Variants in URB1 observed in about 807,000 individuals in gnomAD.
The protein encoded by URB1 is nucleolar pre-ribosomal-associated protein 1.
A neutral mutation model predicts 242.3 loss-of-function variants in URB1; 197 were observed. That is an observed-to-expected ratio of 0.81 (90% confidence interval 0.72 to 0.91). URB1 has a LOEUF of 0.91. Ranked by LOEUF, URB1 falls within the 40% of genes least tolerant of loss-of-function variation. The pLI, the probability that URB1 is intolerant of heterozygous loss-of-function variation, is 0.00. For synonymous variants in URB1, 1,153 were observed against 1,201.8 expected, an observed-to-expected ratio of 0.96 and a Z score of 0.84; for missense variants, 2,721 against 2,860.5, an observed-to-expected ratio of 0.95 and a Z score of 1.11.
At chr21:32,361,252 T>C in intron 12 of URB1, 129 bp from the exon 13 acceptor site, 1 of 681,442 alleles carries the variant, frequency 1.5e-6, no homozygotes, top group South Asian at 2.0e-5. Context: ...CTTGAGCAGC[T>C]GAACCAAGTG....
intron 24 of URB1, among the ~76,000 whole-genome samples, chr21:32,342,793 T>C (rs1433474057): frequency 1.3e-5 from 2 of 152,148 alleles, no homozygotes; most frequent in African/African-American, 4.8e-5. Context: ...TCCCCCAGCA[T>C]TTCCTGCAAC....
At chr21:32,380,972 G>C (rs1452476247) in intron 4 of URB1, among the ~76,000 whole-genome samples, 1 of 152,202 alleles carries the variant, frequency 6.6e-6, no homozygotes, top group Non-Finnish European at 1.5e-5. Context: ...AAGGGATTTA[G>C]TTATCACCTC....
intron 15 of URB1, among the ~76,000 whole-genome samples, chr21:32,356,832 C>T (rs921310549): frequency 2.6e-5 from 4 of 152,178 alleles, no homozygotes; most frequent in Admixed American, 2.0e-4. Context: ...TCAGTGATCA[C>T]GAAATCTGGC....
Position 32,344,599 on chromosome 21 carries a change from C to T in URB1, c.4228G>A (p.Glu1410Lys). The T allele has an allele frequency of 6.4e-7, 1 of 1,552,364 alleles. No homozygotes were observed. Among genetic ancestry groups the T allele is most frequent in the Non-Finnish European group, 8.7e-7 (1 of 1,147,168 alleles). Residue 1410 changes from glutamate to lysine, a missense_variant, in exon 24 of 39, where the codon GAA (glutamate) becomes AAA (lysine). Glu to Lys is a moderately conservative substitution (Grantham distance 56). Coordinates refer to ENST00000382751, the MANE Select transcript of URB1 (RefSeq NM_014825.3). ...DDDNTQNQEKEMLLRLNALLH... is the reference protein window; with the variant it reads ...DDDNTQNQEKKMLLRLNALLH... ...AACGCATTTAATCTAAGCAGCATTT[C>T]CTTCTCCTGATTCTGAGTATTATCA... is the stretch of plus-strand genomic sequence containing the variant.
At chr21:32,334,425 CT>C in intron 28 of URB1, 91 bp from the exon 29 acceptor site, 1 of 1,403,984 alleles carries the variant, frequency 7.1e-7, no homozygotes, top group Non-Finnish European at 9.5e-7. Context: ...AGTTGTCAGG[CT>C]GCCAGTTCAC....
At chr21:32,384,514 C>T in intron 2 of URB1, 50 bp from the exon 3 acceptor site, 1 of 1,535,446 alleles carries the variant, frequency 6.5e-7, no homozygotes, top group Non-Finnish European at 8.8e-7. Flanking sequence ...TTCCTTTCCT[C>T]CTGTACATAT....
Position 32,357,483 on chromosome 21 carries a change from G to A in URB1, c.1989+54C>T, listed in dbSNP as rs878882307. On this transcript the variant is annotated intron_variant, in intron 15 of 38. Coordinates refer to ENST00000382751, the MANE Select transcript of URB1 (RefSeq NM_014825.3). ...ACTGTTAACTAAACACTTACCATAA[G>A]GAAGATCTATACAAAATGCTTTTCA... The A allele has an allele frequency of 3.5e-6, 5 of 1,417,290 alleles. No homozygotes were observed. The Admixed American group carries it at 9.4e-5, about 27-fold the overall frequency. 87.8% of individuals were successfully genotyped at this position (1,417,290 alleles called of 1,614,324 possible).
At position 32,314,858 on chromosome 21, in the gene URB1, G is replaced by C. The variant is rs1225880217; in HGVS notation, c.*60C>G. On this transcript the variant is annotated 3_prime_UTR_variant, in exon 39 of 39. Transcript: ENST00000382751. ...AACCCTTGACTCAACCAAACTTCTA[G>C]AAGCTGGTGCTGTGCTCGAGGCTCT... 1 of 1,520,202 alleles carries C rather than the reference G, an allele frequency of 6.6e-7. No homozygotes were observed. Among genetic ancestry groups the C allele is most frequent in the Admixed American group, 2.1e-5 (1 of 47,708 alleles). 94.2% of individuals were successfully genotyped at this position (1,520,202 alleles called of 1,614,324 possible).
chr21:32,330,139 T>C (rs1488854100), intron 30 of URB1, among the ~76,000 whole-genome samples: 2 of 152,048 alleles, frequency 1.3e-5, no homozygotes, highest in Non-Finnish European at 2.9e-5. Flanking sequence ...CCTCCATCTT[T>C]CGTTTGGGAT....
chr21:32,317,621 A>G, intron 37 of URB1, 55 bp downstream of exon 37: 2 of 1,532,994 alleles, frequency 1.3e-6, no homozygotes, highest in Non-Finnish European at 1.8e-6. Flanking sequence ...AGGGACGGAC[A>G]GGGTGAGAGA....
chr21:32,379,219 C>G (rs1474975776), intron 4 of URB1, among the ~76,000 whole-genome samples: 2 of 152,184 alleles, frequency 1.3e-5, no homozygotes, highest in African/African-American at 2.4e-5. Flanking sequence ...GCTTCCCCTC[C>G]CAGTATCATT....
At chr21:32,361,207 A>AAAC in intron 12 of URB1, 84 bp from the exon 13 acceptor site, 1 of 260,484 alleles carries the variant, frequency 3.8e-6, no homozygotes, top group East Asian at 8.2e-5. Context: ...AAGAAAGAAA[A>AAAC]TAGCTTGAAT....
intron 8 of URB1, among the ~76,000 whole-genome samples, chr21:32,369,558 C>G (rs565098080): frequency 9.9e-5 from 15 of 152,146 alleles, no homozygotes; most frequent in Non-Finnish European, 1.6e-4. Flanking sequence ...TTCCTGGGTT[C>G]AAGTGACCCT....
chr21:32,347,755 G>T lies in URB1; in HGVS notation c.3069C>A (p.Phe1023Leu), dbSNP rs1190349269. The change falls in exon 22 of 39, where the codon TTC becomes TTA. Residue 1023 changes from phenylalanine to leucine, a missense_variant. By Grantham distance (22) the Phe-to-Leu change is conservative. Transcript: ENST00000382751. ...GGAGGGCCTGCTGCTCCAGGGCCAG[G>T]AACCAGCCCTCCAGGGTGGGGTGCC... is the stretch of plus-strand genomic sequence containing the variant. ...ILRHPTLEGW[F>L]LALEQQALPP... 6.5e-7 allele frequency: 1 copy of T among 1,549,280 alleles called. No individual in the cohort carries two copies. Among genetic ancestry groups the T allele is most frequent in the Admixed American group, 2.0e-5 (1 of 50,998 alleles).
intron 25 of URB1, among the ~76,000 whole-genome samples, chr21:32,341,005 A>AAAAAAAAAAGAATGATACATT (rs2033023190): frequency 2.4e-5 from 3 of 124,842 alleles, no homozygotes; most frequent in Admixed American, 8.9e-5. Context: ...ATGATACATT[A>AAAAAAAAAAGAATGATACATT]AAAAAAAAAG....
At chr21:32,343,296 G>A (rs1452779328) in intron 24 of URB1, among the ~76,000 whole-genome samples, 1 of 152,050 alleles carries the variant, frequency 6.6e-6, no homozygotes, top group Non-Finnish European at 1.5e-5. Flanking sequence ...GAGTGGTAGA[G>A]GAGAGTGGAC....
intron 28 of URB1, among the ~76,000 whole-genome samples, chr21:32,336,737 C>T (rs769040677): frequency 6.6e-6 from 1 of 152,210 alleles, no homozygotes; most frequent in African/African-American, 2.4e-5. Flanking sequence ...CTGACACTTC[C>T]CCTGAAATCC....
intron 12 of URB1, 105 bp downstream of exon 12, chr21:32,361,787 C>T (rs1156845337): frequency 2.8e-6 from 4 of 1,438,052 alleles, no homozygotes; most frequent in Non-Finnish European, 3.7e-6. Context: ...TGCCTTGAAA[C>T]AAAAACTGCT....
At position 32,321,885 on chromosome 21, in the gene URB1, C is replaced by G; in HGVS notation, c.5400G>C (p.Gln1800His). The change falls in exon 34 of 39, where the codon CAG (glutamine) becomes CAC (histidine). Residue 1800 changes from glutamine to histidine, a missense_variant. Coordinates refer to ENST00000382751, the MANE Select transcript of URB1 (RefSeq NM_014825.3). ...CACGCCGGGCACACAGTTCGTAGCA[C>G]TGCTTGTCACGGATCCCCTGCCGCA... ...GVLRQGIRDKQCYELCARRGI... is the reference protein window; with the variant it reads ...GVLRQGIRDKHCYELCARRGI... The G allele has an allele frequency of 6.4e-7, 1 of 1,551,686 alleles. No homozygotes were observed. Among genetic ancestry groups the G allele is most frequent in the Non-Finnish European group, 8.7e-7 (1 of 1,146,996 alleles).
Sources: gnomAD v4.1 joint callset for allele counts (sites outside exome capture counted in the v4.1 genomes callset) on GRCh38, gnomAD v4.1.1 for gene constraint, MANE v1.5 for transcripts, NCBI Gene and HGNC (gene_info 2026-07-23, HGNC 2026-07-21) for gene names.